LINGO2: variants seen among roughly 807,000 people sequenced by gnomAD.
LINGO2 encodes the protein leucine-rich repeat and immunoglobulin-like domain-containing nogo receptor-interacting protein 2.
A neutral mutation model predicts 30.6 loss-of-function variants in LINGO2; 14 were observed. The observed-to-expected ratio is 0.46, with a 90% confidence interval of 0.30 to 0.72. LINGO2 has a LOEUF of 0.72. Ranked by LOEUF, LINGO2 falls within the 30% of genes least tolerant of loss-of-function variation. The probability of loss-of-function intolerance (pLI) is 0.07; values close to 1 mark genes in which losing one functional copy is unlikely to be tolerated. For missense variants in LINGO2, 729 were observed against 751.7 expected (o/e 0.97, Z 0.35); for synonymous variants, 317 against 288.5 (o/e 1.10, Z -1.00).
chr9:28,948,848 C>T, the LINGO2 span, among the ~76,000 whole-genome samples: 1 of 151,870 alleles, frequency 6.6e-6, no homozygotes, highest in Admixed American at 6.6e-5. Flanking sequence ...TCTCTTAGTG[C>T]GTTCCTGGAT....
rs1397425350 is a variant in LINGO2 at position 28,512,604 on chromosome 9, T to G, written c.-364-36579A>C. The stretch of plus-strand genomic sequence containing the variant: ...GGATATATATGTGTGTATATATATA[T>G]ATATATATATATATATATATATATA... On this transcript the variant is annotated intron_variant, in intron 1 of 5. Transcript: ENST00000379992. 7.0e-3 allele frequency among the ~76,000 whole-genome samples: 18 copies of G among 2,566 alleles called. No individual in the cohort carries two copies. In the East Asian group the frequency reaches 0.27, roughly 39 times the overall value. 1.7% of individuals were successfully genotyped at this position (2,566 alleles called of 152,430 possible).
chr9:28,266,462 T>C (rs1587356312), intron 4 of LINGO2, among the ~76,000 whole-genome samples: 1 of 152,000 alleles, frequency 6.6e-6, no homozygotes, highest in Non-Finnish European at 1.5e-5. Flanking sequence ...ATTTCCCAGA[T>C]TTCTCTCTCC....
chr9:28,404,373 T>C (rs1033588113), intron 2 of LINGO2, among the ~76,000 whole-genome samples: 2 of 152,188 alleles, frequency 1.3e-5, no homozygotes, highest in African/African-American at 4.8e-5. Context: ...TTTATTAACT[T>C]AATTTTCTTT....
chr9:28,758,814 G>C, the LINGO2 span, among the ~76,000 whole-genome samples: 4 of 152,132 alleles, frequency 2.6e-5, no homozygotes, highest in African/African-American at 2.4e-5. Context: ...TTAGCTTTTA[G>C]TTGTTACTTA....
intron 2 of LINGO2, among the ~76,000 whole-genome samples, chr9:28,384,461 A>G: frequency 6.6e-6 from 1 of 151,452 alleles, no homozygotes; most frequent in East Asian, 1.9e-4. Context: ...GTTTTGATAT[A>G]CTTCATTTTA....
intron 1 of LINGO2, among the ~76,000 whole-genome samples, chr9:28,493,977 T>C (rs1819480717): frequency 6.6e-6 from 1 of 152,106 alleles, no homozygotes; most frequent in Non-Finnish European, 1.5e-5. Flanking sequence ...TGGAACCTCA[T>C]CTTGTGATGG....
intron 4 of LINGO2, among the ~76,000 whole-genome samples, chr9:28,184,250 T>A (rs962359608): frequency 6.6e-6 from 1 of 152,188 alleles, no homozygotes; most frequent in Non-Finnish European, 1.5e-5. Flanking sequence ...ACTTCTTTTG[T>A]ATACTTCCAC....
At chr9:28,061,765 C>T (rs1179283123) in intron 4 of LINGO2, among the ~76,000 whole-genome samples, 1 of 152,010 alleles carries the variant, frequency 6.6e-6, no homozygotes, top group Non-Finnish European at 1.5e-5. Flanking sequence ...CGCAAAATAG[C>T]ATAGGAAAGT....
intron 1 of LINGO2, among the ~76,000 whole-genome samples, chr9:28,504,429 C>CA (rs1425390532): frequency 6.6e-6 from 1 of 151,582 alleles, no homozygotes; most frequent in Non-Finnish European, 1.5e-5. Flanking sequence ...GGGCCGATTT[C>CA]AAAAAATGTG....
At chr9:29,034,377 C>A in the LINGO2 span, among the ~76,000 whole-genome samples, 1 of 151,962 alleles carries the variant, frequency 6.6e-6, no homozygotes, top group African/African-American at 2.4e-5. Context: ...TTAAATACTT[C>A]ATATTTTAAT....
At chr9:29,161,360 C>T in the LINGO2 span, among the ~76,000 whole-genome samples, 1 of 152,240 alleles carries the variant, frequency 6.6e-6, no homozygotes, top group South Asian at 2.1e-4. Flanking sequence ...CCTTGGACCT[C>T]AGCTGAGGCT....
intron 5 of LINGO2, among the ~76,000 whole-genome samples, chr9:27,979,933 G>T (rs532505615): frequency 9.6e-4 from 146 of 152,068 alleles, no homozygotes; most frequent in South Asian, 6.0e-3. Context: ...CTGAGGAGGA[G>T]GAAGAATCAT....
chr9:28,561,890 G>C (rs1293977383), intron 1 of LINGO2, among the ~76,000 whole-genome samples: 1 of 150,864 alleles, frequency 6.6e-6, no homozygotes, highest in Non-Finnish European at 1.5e-5. Flanking sequence ...ACTGCACACA[G>C]ATCTGTGGTG....
At chr9:28,848,096 CATAGTG>C in the LINGO2 span, among the ~76,000 whole-genome samples, 1 of 33,354 alleles carries the variant, frequency 3.0e-5, no homozygotes, top group South Asian at 9.2e-4. Context: ...TATATATACG[CATAGTG>C]TATATATACA....
intron 2 of LINGO2, among the ~76,000 whole-genome samples, chr9:28,471,833 A>G (rs563805776): frequency 2.0e-5 from 3 of 152,318 alleles, no homozygotes; most frequent in African/African-American, 7.2e-5. Flanking sequence ...GTCCCAAAAG[A>G]CATGTATAAG....
At chr9:28,750,240 G>C in the LINGO2 span, among the ~76,000 whole-genome samples, 1 of 152,146 alleles carries the variant, frequency 6.6e-6, no homozygotes, top group African/African-American at 2.4e-5. Context: ...AGTTATGAAA[G>C]CTGAGAGTAG....
At chr9:29,103,963 T>G in the LINGO2 span, among the ~76,000 whole-genome samples, 1 of 152,154 alleles carries the variant, frequency 6.6e-6, no homozygotes, top group Non-Finnish European at 1.5e-5. Context: ...TTCTCTAAAT[T>G]TGGACAAGAG....
At chr9:28,309,083 T>C (rs1824496022) in intron 3 of LINGO2, among the ~76,000 whole-genome samples, 1 of 152,180 alleles carries the variant, frequency 6.6e-6, no homozygotes, top group South Asian at 2.1e-4. Context: ...CATTACTGGG[T>C]ATATACCCAA....
At chr9:28,791,842 C>A in the LINGO2 span, among the ~76,000 whole-genome samples, 2 of 151,646 alleles carry the variant, frequency 1.3e-5, no homozygotes, top group Admixed American at 6.6e-5. Context: ...TTTTTAAATT[C>A]TTAAAAATTA....
Sources: allele counts gnomAD v4.1 joint callset (sites outside exome capture counted in the v4.1 genomes callset), GRCh38; gene constraint gnomAD v4.1.1; transcripts MANE v1.5; gene names NCBI Gene and HGNC (gene_info 2026-07-23, HGNC 2026-07-21).